Variants in CA10 observed in about 807,000 individuals in gnomAD.
CA10 encodes carbonic anhydrase 10 (inactive), also known as carbonic anhydrase-related protein 10.
CA10 carries 14 observed loss-of-function variants against 44.2 expected under a neutral mutation model. The observed-to-expected ratio is 0.32, with a 90% CI of 0.21 to 0.50. CA10 has a LOEUF of 0.50. Among genes scored for constraint, CA10 ranks in the 20% least tolerant of loss-of-function variants. The pLI is 0.99. For missense variants in CA10, 350 were observed against 409.7 expected, an observed-to-expected ratio of 0.85 and a Z score of 1.26; for synonymous variants, 159 against 141.6, an observed-to-expected ratio of 1.12 and a Z score of -0.87.
At chr17:51,978,500 A>G (rs2144082681) in intron 2 of CA10, among the ~76,000 whole-genome samples, 1 of 152,064 alleles carries the variant, frequency 6.6e-6, no homozygotes, top group Non-Finnish European at 1.5e-5. Flanking sequence ...AGATATTCAT[A>G]TAGGAAAAAA....
In CA10 at chr17:51,669,282, CTTGGGG is replaced by C. The variant is rs1178155855; in HGVS notation, c.466-15552_466-15547del. On this transcript the variant is annotated intron_variant, in intron 4 of 8. Transcript: ENST00000451037. ...GTACCAATCAGCACTCTGTGTCTAG[CTTGGGG>C]TTTGTGGATGCACCAATCAGTGCTC... Among the ~76,000 whole-genome samples, 7 of 152,142 alleles carry C rather than the reference CTTGGGG, an allele frequency of 4.6e-5. No individual in the cohort carries two copies. The East Asian group carries it at 1.3e-3, about 29-fold the overall frequency.
chr17:52,010,248 C>G (rs924776930), intron 2 of CA10, among the ~76,000 whole-genome samples: 1 of 151,878 alleles, frequency 6.6e-6, no homozygotes, highest in Admixed American at 6.6e-5. Flanking sequence ...TCCCACTTCT[C>G]GGTATCTACC....
chr17:51,663,216 CT>C (rs1202352897), intron 4 of CA10, among the ~76,000 whole-genome samples: 25,592 of 146,912 alleles, frequency 0.17, 2,507 homozygotes, highest in South Asian at 0.27. Context: ...TTTCCCGGAA[CT>C]TGGAATGCGT....
intron 4 of CA10, among the ~76,000 whole-genome samples, chr17:51,698,274 A>T (rs1171872183): frequency 1.3e-5 from 2 of 152,148 alleles, no homozygotes; most frequent in African/African-American, 4.8e-5. Context: ...GCTCATCTGG[A>T]CCCTGAAGTG....
chr17:52,040,295 ATGAGTGCTCATGTTTGTTTTCCACTAG>A (rs139302314), intron 2 of CA10, among the ~76,000 whole-genome samples: 11,065 of 151,962 alleles, frequency 0.073, 561 homozygotes, highest in Middle Eastern at 0.13. Context: ...TGCTCTATTT[ATGAGTGCTCATGTTTGTTTTCCACTAG>A]TGGTATCATT....
chr17:51,699,038 G>A (rs1422101205), intron 4 of CA10, among the ~76,000 whole-genome samples: 1 of 152,146 alleles, frequency 6.6e-6, no homozygotes, highest in East Asian at 1.9e-4. Context: ...TTTATTTCCT[G>A]GGCCGAGTGT....
chr17:51,679,276 T>TG (rs1398029908), intron 4 of CA10, among the ~76,000 whole-genome samples: 137 of 144,050 alleles, frequency 9.5e-4, no homozygotes, highest in Admixed American at 2.0e-3. Context: ...TTTTTTTTTT[T>TG]TGGGATGGAG....
chr17:51,830,138 A>C (rs566963455), intron 3 of CA10, among the ~76,000 whole-genome samples: 1 of 145,448 alleles, frequency 6.9e-6, no homozygotes, highest in Non-Finnish European at 1.5e-5. Flanking sequence ...CAGAGGTTGC[A>C]GTGAGCTGAG....
At chr17:52,116,605 C>T (rs1479620310) in intron 1 of CA10, among the ~76,000 whole-genome samples, 1 of 152,150 alleles carries the variant, frequency 6.6e-6, no homozygotes, top group Non-Finnish European at 1.5e-5. Flanking sequence ...CTTTTTCCTT[C>T]TCTCACTCAT....
intron 4 of CA10, among the ~76,000 whole-genome samples, chr17:51,715,306 C>A (rs774305104): frequency 6.6e-6 from 1 of 151,378 alleles, no homozygotes; most frequent in Admixed American, 6.6e-5. Context: ...ACATGGCACA[C>A]GTATACATAT....
chr17:51,925,569 G>A (rs2058996985), intron 3 of CA10, among the ~76,000 whole-genome samples: 1 of 152,076 alleles, frequency 6.6e-6, no homozygotes, highest in African/African-American at 2.4e-5. Context: ...ATATGCCCCA[G>A]TAATTCCACT....
At chr17:51,730,904 T>A (rs1479499275) in intron 4 of CA10, among the ~76,000 whole-genome samples, 5 of 147,842 alleles carry the variant, frequency 3.4e-5, no homozygotes, top group African/African-American at 7.5e-5. Context: ...AACACAGGGA[T>A]AAAAAAAAAA....
intron 3 of CA10, among the ~76,000 whole-genome samples, chr17:51,874,867 G>C (rs1431805909): frequency 6.6e-6 from 1 of 152,100 alleles, no homozygotes; most frequent in African/African-American, 2.4e-5. Context: ...CTTTCCTCCT[G>C]TTGACATGTC....
At chr17:51,632,959 T>C (rs977027281) in intron 8 of CA10, among the ~76,000 whole-genome samples, 3 of 152,196 alleles carry the variant, frequency 2.0e-5, no homozygotes, top group Non-Finnish European at 4.4e-5. Flanking sequence ...CATTGGATTC[T>C]AATGGCCTGC....
intron 4 of CA10, among the ~76,000 whole-genome samples, chr17:51,693,353 T>A (rs1915285442): frequency 6.6e-6 from 1 of 152,182 alleles, no homozygotes; most frequent in Non-Finnish European, 1.5e-5. Context: ...AAAAAAATAA[T>A]TTTAACATTT....
intron 4 of CA10, among the ~76,000 whole-genome samples, chr17:51,693,025 A>T (rs999031720): frequency 2.0e-5 from 3 of 152,208 alleles, no homozygotes; most frequent in Admixed American, 6.5e-5. Flanking sequence ...GACTGGTTTC[A>T]ACTAGCTTCT....
intron 1 of CA10, among the ~76,000 whole-genome samples, chr17:52,152,633 A>C (rs1989726747): frequency 6.6e-6 from 1 of 152,142 alleles, no homozygotes; most frequent in Admixed American, 6.6e-5. Flanking sequence ...TTGCATTTAT[A>C]ATAATATCTT....
intron 3 of CA10, among the ~76,000 whole-genome samples, chr17:51,908,832 T>C (rs1981672027): frequency 6.6e-6 from 1 of 152,200 alleles, no homozygotes; most frequent in African/African-American, 2.4e-5. Flanking sequence ...TTTAGTACCC[T>C]ACTTTACCAA....
chr17:52,040,057 C>A (rs1197595513), intron 2 of CA10, among the ~76,000 whole-genome samples: 1 of 151,518 alleles, frequency 6.6e-6, no homozygotes, highest in Non-Finnish European at 1.5e-5. Flanking sequence ...AAGGAGTGGG[C>A]AAATGGCTAT....
Sources: gnomAD v4.1 joint callset for allele counts (sites outside exome capture counted in the v4.1 genomes callset) on GRCh38, gnomAD v4.1.1 for gene constraint, MANE v1.5 for transcripts, NCBI Gene and HGNC (gene_info 2026-07-23, HGNC 2026-07-21) for gene names.